The following INTS10 variants were observed in gnomAD, a reference collection of about 807,000 sequenced individuals.
The protein encoded by INTS10 is chromosome 8 open reading frame 35.
In INTS10, 44 loss-of-function variants were observed where a neutral mutation model predicts 94.4. The observed-to-expected ratio is 0.47, with a 90% CI of 0.37 to 0.60. The LOEUF is 0.60. Among genes scored for constraint, INTS10 ranks in the 20% least tolerant of loss-of-function variants. The probability of loss-of-function intolerance (pLI) is 0.00; values close to 1 mark genes in which losing one functional copy is unlikely to be tolerated. For missense variants in INTS10, 797 were observed against 868.7 expected (o/e 0.92, Z 1.04); for synonymous variants, 341 against 320.7 (o/e 1.06, Z -0.68).
intron 9 of INTS10, among the ~76,000 whole-genome samples, chr8:19,828,653 A>G (rs899792020): frequency 2.0e-5 from 3 of 151,684 alleles, no homozygotes; most frequent in Non-Finnish European, 4.4e-5. Flanking sequence ...TTCGTGTATG[A>G]TATTAGGTTG....
intron 13 of INTS10, chr8:19,837,564 G>A (rs965051656): frequency 7.4e-5 from 12 of 161,300 alleles, no homozygotes; most frequent in Non-Finnish European, 4.1e-5. Context: ...TCTTTTTCCT[G>A]TCTTTACAAT....
chr8:19,834,402 T>C (rs1445406713), intron 12 of INTS10, among the ~76,000 whole-genome samples: 1 of 152,214 alleles, frequency 6.6e-6, no homozygotes, highest in Non-Finnish European at 1.5e-5. Context: ...AAAATGCTTT[T>C]CCACCATTAT....
At chr8:19,834,900 G>A (rs116726577) in intron 12 of INTS10, among the ~76,000 whole-genome samples, 1,950 of 152,236 alleles carry the variant, frequency 0.013, 48 homozygotes, top group African/African-American at 0.044. Flanking sequence ...CTGCTTCCCG[G>A]ATCATAGAAG....
At position 19,817,529 on chromosome 8, in the gene INTS10, G is replaced by A; in HGVS notation, c.-9G>A. 3 of 1,604,282 alleles carry A rather than the reference G, an allele frequency of 1.9e-6. No homozygotes were observed. The highest frequency in any genetic ancestry group is 1.1e-5 in the South Asian group (1 of 89,648). ...CGCTTCGGGCTGGCGGCTGGAGAGC[G>A]CTCGGGTCATGTCTGCCCAGGGGGA... is the stretch of plus-strand genomic sequence containing the variant. On this transcript the variant is annotated 5_prime_UTR_variant, in exon 1 of 17. Coordinates refer to ENST00000397977, the MANE Select transcript of INTS10 (RefSeq NM_018142.4).
intron 13 of INTS10, among the ~76,000 whole-genome samples, chr8:19,840,393 C>T (rs893352299): frequency 1.3e-5 from 2 of 152,162 alleles, no homozygotes; most frequent in African/African-American, 4.8e-5. Flanking sequence ...AGCAAAATTA[C>T]AGCAGACTTT....
intron 13 of INTS10, among the ~76,000 whole-genome samples, chr8:19,839,066 C>T (rs1487791998): frequency 4.6e-5 from 7 of 151,282 alleles, no homozygotes; most frequent in South Asian, 4.2e-4. Context: ...AGTGAGACTC[C>T]GTTTCAAAAA....
In INTS10 at chr8:19,824,821, G is replaced by A. The variant is rs745735584; in HGVS notation, c.855G>A (p.Leu285=). ...TTTTTAGAAGCTATGGAGATATTTTGCATAGAATGAAGGATCTCTGCAGAT... is the reference window on the plus strand; with the variant it reads ...TTTTTAGAAGCTATGGAGATATTTTACATAGAATGAAGGATCTCTGCAGAT... The part of the protein sequence containing the change: ...DKGRRSYGDI[L]HRMKDLCRYM... Residue 285 remains leucine (L), a synonymous_variant, in exon 8 of 17, where the codon TTG becomes TTA. Coordinates refer to ENST00000397977, the MANE Select transcript of INTS10 (RefSeq NM_018142.4). 6.2e-7 allele frequency: 1 copy of A among 1,609,480 alleles called. No homozygotes were observed. Among genetic ancestry groups the A allele is most frequent in the Non-Finnish European group, 8.5e-7 (1 of 1,177,324 alleles).
At chr8:19,829,492 G>A (rs1221498834) in intron 9 of INTS10, among the ~76,000 whole-genome samples, 1 of 152,062 alleles carries the variant, frequency 6.6e-6, no homozygotes, top group Non-Finnish European at 1.5e-5. Flanking sequence ...GTAGAAATGT[G>A]TATTGTAAAA....
At chr8:19,818,178 C>A in intron 1 of INTS10, 97 bp from the exon 2 acceptor site, 1 of 1,164,616 alleles carries the variant, frequency 8.6e-7, no homozygotes, top group Non-Finnish European at 1.3e-6. Context: ...CACTCTCAGG[C>A]CCTCCCTTCC....
Position 19,849,098 on chromosome 8 carries a change from GT to G in INTS10, c.1977-2546del. ...TCTTGTGTATTTTCTCTGGAGTGTT[GT>G]TTTTGCAGTGCAGGGTGAGTCGGTG... On this transcript the variant is annotated intron_variant, in intron 16 of 16. Coordinates refer to ENST00000397977, the MANE Select transcript of INTS10 (RefSeq NM_018142.4). The surrounding 1 kb of genome is among the most constrained non-coding windows in gnomAD (Gnocchi z 4.6). The G allele has an allele frequency of 8.3e-6, 6 of 720,396 alleles. No individual in the cohort carries two copies. The highest frequency in any genetic ancestry group is 1.4e-5 in the South Asian group (1 of 69,096). 44.6% of individuals were successfully genotyped at this position (720,396 alleles called of 1,614,324 possible).
At chr8:19,828,038 G>A (rs7013383) in intron 9 of INTS10, among the ~76,000 whole-genome samples, 35 of 151,374 alleles carry the variant, frequency 2.3e-4, no homozygotes, top group African/African-American at 5.6e-4. Context: ...GTGAGACCCC[G>A]TCTCTATAAA....
At position 19,846,455 on chromosome 8, in the gene INTS10, A is replaced by G. The variant is rs1397501230; in HGVS notation, c.1976+658A>G. ...TCTCAAAAAAAAAAACAAACAAACA[A>G]AACAGCTGTGCTTAATTAAAATTGT... is the stretch of plus-strand genomic sequence containing the variant. On this transcript the variant is annotated intron_variant, in intron 16 of 16. Transcript: ENST00000397977. This position sits in a 1 kb window ranked among gnomAD's most constrained non-coding sequence, Gnocchi z 4.2. 6.6e-6 allele frequency among the ~76,000 whole-genome samples: 1 copy of G among 152,024 alleles called. No individual in the cohort carries two copies. Among genetic ancestry groups the G allele is most frequent in the East Asian group, 1.9e-4 (1 of 5,184 alleles).
chr8:19,849,557 G>A lies in INTS10; in HGVS notation c.1977-2092G>A, dbSNP rs1174130477. 1.3e-5 allele frequency among the ~76,000 whole-genome samples: 2 copies of A among 152,018 alleles called. No homozygotes were observed. The highest frequency in any genetic ancestry group is 3.9e-4 in the East Asian group (2 of 5,190). The stretch of plus-strand genomic sequence containing the variant: ...GATTCTCTTTTGATAAAACGTTAAG[G>A]CTTTCGGTCATATATATTTAAGGAT... On this transcript the variant is annotated intron_variant, in intron 16 of 16. Transcript: ENST00000397977. This position sits in a 1 kb window ranked among gnomAD's most constrained non-coding sequence, Gnocchi z 4.6.
chr8:19,824,620 A>C, intron 7 of INTS10, 183 bp from the exon 8 acceptor site: 1 of 505,494 alleles, frequency 2.0e-6, no homozygotes, highest in South Asian at 3.4e-5. Context: ...TGTGTCATGA[A>C]ATCTTGATCA....
chr8:19,819,758 G>A (rs2066221654), intron 3 of INTS10, 82 bp downstream of exon 3: 1 of 987,408 alleles, frequency 1.0e-6, no homozygotes, highest in African/African-American at 1.6e-5. Context: ...AGTCACACCT[G>A]GGGTATTGGT....
Position 19,830,408 on chromosome 8 carries a change from T to C in INTS10, c.1143T>C (p.Ser381=). Reference sequence around the variant, plus strand: ...TGTTCTCCACATTCTTTAAGCAGAGTTCAGACGATGAAGACTGTTCGGCGA... The same window carrying C: ...TGTTCTCCACATTCTTTAAGCAGAGCTCAGACGATGAAGACTGTTCGGCGA... ...KLAEGREKTM[S]SDDEDCSAKG... is the part of the protein sequence containing the mutation. Residue 381 remains serine, a splice_region_variant and synonymous_variant, in exon 10 of 17, where the codon AGT becomes AGC. Coordinates refer to ENST00000397977, the MANE Select transcript of INTS10 (RefSeq NM_018142.4). The C allele has an allele frequency of 6.2e-7, 1 of 1,612,512 alleles. No homozygotes were observed. Among genetic ancestry groups the C allele is most frequent in the Non-Finnish European group, 8.5e-7 (1 of 1,179,434 alleles).
intron 7 of INTS10, chr8:19,824,558 G>T (rs2066643592): frequency 2.5e-6 from 1 of 400,966 alleles, no homozygotes; most frequent in Non-Finnish European, 4.4e-6. Context: ...ACGATGTTGT[G>T]TTTGAACGTC....
At chr8:19,824,168 A>G (rs1004486717) in intron 7 of INTS10, 124 bp downstream of exon 7, 4 of 696,794 alleles carry the variant, frequency 5.7e-6, no homozygotes, top group African/African-American at 5.5e-5. Context: ...TGTGACACTC[A>G]ATGCAAAAGA....
intron 12 of INTS10, among the ~76,000 whole-genome samples, chr8:19,836,690 A>C (rs1219624257): frequency 6.6e-6 from 1 of 151,960 alleles, no homozygotes; most frequent in African/African-American, 2.4e-5. Flanking sequence ...TACATTTTTT[A>C]TTGTTAGTTT....
Sources: allele counts gnomAD v4.1 joint callset (sites outside exome capture counted in the v4.1 genomes callset), GRCh38; gene constraint gnomAD v4.1.1; non-coding constraint Gnocchi (gnomAD v3.1); transcripts MANE v1.5; gene names NCBI Gene and HGNC (gene_info 2026-07-23, HGNC 2026-07-21).